CARMIL1: variants seen among roughly 807,000 people sequenced by gnomAD.
CARMIL1 encodes F-actin-uncapping protein LRRC16A.
A neutral mutation model predicts 177.1 loss-of-function variants in CARMIL1; 90 were observed. The observed-to-expected ratio is 0.51, with a 90% CI of 0.43 to 0.61. CARMIL1 has a LOEUF of 0.61. CARMIL1 is among the 20% of genes least tolerant of loss of function. CARMIL1 has a pLI of 0.00. For missense variants in CARMIL1, 1,380 were observed against 1,667.0 expected (o/e 0.83, Z 3.00); for synonymous variants, 577 against 606.2 (o/e 0.95, Z 0.71).
At chr6:25,602,315 AG>A (rs1815490559) in intron 33 of CARMIL1, among the ~76,000 whole-genome samples, 1 of 152,230 alleles carries the variant, frequency 6.6e-6, no homozygotes, top group Admixed American at 6.5e-5. Flanking sequence ...CCATGTCATT[AG>A]TGAGTCAGAT....
intron 12 of CARMIL1, among the ~76,000 whole-genome samples, chr6:25,486,286 G>A (rs1000510697): frequency 2.0e-5 from 3 of 152,138 alleles, no homozygotes; most frequent in Non-Finnish European, 4.4e-5. Flanking sequence ...GGATTAGGGG[G>A]CAGCTGAGGA....
chr6:25,608,995 CT>C (rs200166343), intron 35 of CARMIL1, among the ~76,000 whole-genome samples: 11 of 149,558 alleles, frequency 7.4e-5, no homozygotes, highest in Admixed American at 2.0e-4. Context: ...TAGCTGATTA[CT>C]TTTTTTTTTA....
chr6:25,619,170 G>A (rs1759532741), intron 36 of CARMIL1, among the ~76,000 whole-genome samples: 1 of 152,078 alleles, frequency 6.6e-6, no homozygotes, highest in African/African-American at 2.4e-5. Flanking sequence ...CTTTCCTCGG[G>A]GGTCCTAACC....
chr6:25,484,241 G>A (rs187198262), intron 12 of CARMIL1, among the ~76,000 whole-genome samples: 1 of 152,138 alleles, frequency 6.6e-6, no homozygotes, highest in African/African-American at 2.4e-5. Flanking sequence ...GCTTTGCCTC[G>A]TTCATTGCTG....
intron 26 of CARMIL1, among the ~76,000 whole-genome samples, chr6:25,549,443 C>T (rs1223790714): frequency 6.6e-6 from 1 of 152,170 alleles, no homozygotes. Context: ...CTTAGACTGA[C>T]TTACTTGCAT....
intron 2 of CARMIL1, among the ~76,000 whole-genome samples, chr6:25,298,654 C>G (rs1581483613): frequency 1.3e-5 from 2 of 152,146 alleles, no homozygotes; most frequent in African/African-American, 4.8e-5. Context: ...GTAGTTGGTG[C>G]CTGTTCATTC....
chr6:25,556,315 A>G (rs553578601), intron 28 of CARMIL1, among the ~76,000 whole-genome samples: 6 of 152,348 alleles, frequency 3.9e-5, no homozygotes, highest in Non-Finnish European at 7.4e-5. Context: ...GCGAGCAGGA[A>G]TTAAAATTTT....
chr6:25,534,673 A>T (rs1808117103), intron 24 of CARMIL1, among the ~76,000 whole-genome samples: 1 of 152,202 alleles, frequency 6.6e-6, no homozygotes. Flanking sequence ...GGGATTCAGC[A>T]GTGAAGAAAA....
chr6:25,495,423 T>C (rs1374743053), intron 16 of CARMIL1, among the ~76,000 whole-genome samples: 1 of 152,190 alleles, frequency 6.6e-6, no homozygotes, highest in Non-Finnish European at 1.5e-5. Flanking sequence ...AAAAAACATC[T>C]TTTGGTTTAT....
intron 29 of CARMIL1, among the ~76,000 whole-genome samples, chr6:25,569,096 A>AT (rs1199451639): frequency 6.6e-6 from 1 of 152,220 alleles, no homozygotes; most frequent in East Asian, 1.9e-4. Context: ...AATATTGCAT[A>AT]TTTTTTTGAC....
chr6:25,399,691 C>A (rs1793728173), intron 2 of CARMIL1, among the ~76,000 whole-genome samples: 1 of 152,078 alleles, frequency 6.6e-6, no homozygotes, highest in Admixed American at 6.6e-5. Context: ...TTCATGTAAT[C>A]CCTAGAGAAC....
rs201826272 is a variant in CARMIL1 at position 25,443,021 on chromosome 6, T to TC, written c.372-6876dup. Among the ~76,000 whole-genome samples, 632 of 152,342 alleles carry TC rather than the reference T, an allele frequency of 4.1e-3. 4 individuals are homozygous for TC. The highest frequency in any genetic ancestry group is 0.014 in the African/African-American group (593 of 41,574). On this transcript the variant is annotated intron_variant, in intron 5 of 36. Transcript: ENST00000329474. ...CCGGTCAAAGATTTTTGCCATATTT[T>TC]CTTCCTGTGTTTGAGTAGCTGAACC...
intron 29 of CARMIL1, among the ~76,000 whole-genome samples, chr6:25,575,354 C>T (rs1286186590): frequency 6.6e-6 from 1 of 152,184 alleles, no homozygotes; most frequent in East Asian, 1.9e-4. Flanking sequence ...GCTTGCCTGT[C>T]ATTTTAGGAG....
At chr6:25,579,404 T>C (rs933460127) in intron 29 of CARMIL1, among the ~76,000 whole-genome samples, 10 of 152,212 alleles carry the variant, frequency 6.6e-5, no homozygotes, top group African/African-American at 1.2e-4. Context: ...ACAAGATGGA[T>C]AGAATACTGA....
chr6:25,605,939 C>T, intron 34 of CARMIL1, 122 bp from the exon 35 acceptor site: 2 of 665,732 alleles, frequency 3.0e-6, no homozygotes, highest in African/African-American at 3.6e-5. Flanking sequence ...TCTTAAAATA[C>T]TCTTAAAACA....
chr6:25,545,156 C>T (rs537509222), intron 26 of CARMIL1, among the ~76,000 whole-genome samples: 1 of 152,236 alleles, frequency 6.6e-6, no homozygotes, highest in South Asian at 2.1e-4. Flanking sequence ...ATCACTGAAA[C>T]AGAGGCACTA....
chr6:25,407,252 T>C (rs1049281398), intron 2 of CARMIL1, among the ~76,000 whole-genome samples: 4 of 152,150 alleles, frequency 2.6e-5, no homozygotes, highest in African/African-American at 9.7e-5. Context: ...AGAGGGGACC[T>C]GCAAGAGGTG....
At chr6:25,612,861 G>T (rs1045361763) in intron 36 of CARMIL1, 1 of 985,198 alleles carries the variant, frequency 1.0e-6, no homozygotes, top group Admixed American at 6.2e-5. Flanking sequence ...ATGCAATTGG[G>T]CACAGGAAGT....
At chr6:25,303,774 T>C (rs1783052876) in intron 2 of CARMIL1, among the ~76,000 whole-genome samples, 1 of 152,224 alleles carries the variant, frequency 6.6e-6, no homozygotes, top group Admixed American at 6.5e-5. Flanking sequence ...CAACCTACTT[T>C]TAGGAAGATT....
Sources: gnomAD v4.1 joint callset for allele counts (sites outside exome capture counted in the v4.1 genomes callset) on GRCh38, gnomAD v4.1.1 for gene constraint, MANE v1.5 for transcripts, NCBI Gene and HGNC (gene_info 2026-07-23, HGNC 2026-07-21) for gene names.